Variants in MILR1 observed in about 807,000 individuals in gnomAD.
MILR1 encodes allergin-1.
A neutral mutation model predicts 18.5 loss-of-function variants in MILR1; 31 were observed. The observed-to-expected ratio is 1.68, with a 90% CI of 1.26 to 2.26. MILR1 has a LOEUF of 2.26. Among genes scored for constraint, MILR1 ranks in the 30% most tolerant of loss-of-function variants. The probability of loss-of-function intolerance (pLI) is 0.00; values close to 1 mark genes in which losing one functional copy is unlikely to be tolerated. For synonymous variants in MILR1, 85 were observed against 56.2 expected, an observed-to-expected ratio of 1.51 and a Z score of -2.30; for missense variants, 257 against 157.4, an observed-to-expected ratio of 1.63 and a Z score of -3.38.
chr17:64,471,790 A>C (rs1324711574), downstream of MILR1, among the ~76,000 whole-genome samples: 1 of 152,244 alleles, frequency 6.6e-6, no homozygotes, highest in East Asian at 1.9e-4. Flanking sequence ...TGTCTCTACA[A>C]ACATATTTGT....
At chr17:64,475,150 C>CA in the MILR1 span, among the ~76,000 whole-genome samples, 1 of 149,336 alleles carries the variant, frequency 6.7e-6, no homozygotes, top group East Asian at 2.0e-4. Flanking sequence ...CGCACCACTG[C>CA]ACTCCAGACT....
the MILR1 span, chr17:64,480,311 A>G: frequency 5.1e-6 from 8 of 1,571,290 alleles, no homozygotes; most frequent in Admixed American, 1.7e-5. Flanking sequence ...TGTTCCAATG[A>G]GGACTGCATA....
At chr17:64,483,956 C>G in the MILR1 span, 1 of 152,142 alleles carries the variant, frequency 6.6e-6, no homozygotes, top group Non-Finnish European at 1.5e-5. Flanking sequence ...CCTGAATGAT[C>G]CACCCACCTT....
chr17:64,478,001 T>C, the MILR1 span: 18 of 1,612,676 alleles, frequency 1.1e-5, no homozygotes, highest in African/African-American at 1.3e-5. Context: ...AAGAAAAAAG[T>C]AGTTAAACAG....
At chr17:64,470,186 C>G (rs897749403), downstream of MILR1, among the ~76,000 whole-genome samples, 1 of 152,114 alleles carries the variant, frequency 6.6e-6, no homozygotes, top group African/African-American at 2.4e-5. Flanking sequence ...CTCTGCCTCC[C>G]GGGTTCAAGC....
At chr17:64,490,890 T>G in the MILR1 span, 1 of 1,613,764 alleles carries the variant, frequency 6.2e-7, no homozygotes, top group South Asian at 1.1e-5. Context: ...CCAGGGAAAA[T>G]TGTAGTAAAG....
chr17:64,468,306 T>A lies in MILR1; in HGVS notation c.*29-4T>A. 1 of 455,628 alleles carries A rather than the reference T, an allele frequency of 2.2e-6. No homozygotes were observed. The highest frequency in any genetic ancestry group is 4.4e-6 in the Non-Finnish European group (1 of 226,788). The allele number at this position is 455,628 out of a possible 1,614,324, so 28.2% of individuals were successfully genotyped here. A position where few individuals can be genotyped will look rare whatever the true frequency, so the allele number is the denominator to read the frequency against. ...TCTCTTGTCTCTCTCTTTTTTTTTT[T>A]GAGATGGAGTCTCACTCTGTTGCCC... On this transcript the variant is annotated splice_polypyrimidine_tract_variant and splice_region_variant and intron_variant, in intron 9 of 9. Transcript: ENST00000619286.
At chr17:64,468,060 G>C in intron 9 of MILR1, 6 of 357,260 alleles carry the variant, frequency 1.7e-5, no homozygotes, top group South Asian at 6.4e-5. Context: ...AGCCCACAGA[G>C]TTGAGTTGTG....
chr17:64,495,295 T>G, the MILR1 span, among the ~76,000 whole-genome samples: 1 of 149,010 alleles, frequency 6.7e-6, no homozygotes, highest in African/African-American at 2.5e-5. Flanking sequence ...TTAAAAATCA[T>G]GAGGCTGGGC....
chr17:64,453,171 G>C (rs1335191903), intron 3 of MILR1, among the ~76,000 whole-genome samples: 3 of 151,300 alleles, frequency 2.0e-5, no homozygotes, highest in Non-Finnish European at 4.4e-5. Flanking sequence ...TGGGTTCAAG[G>C]CATTCTCCTG....
chr17:64,462,693 T>C (rs1231628010), intron 5 of MILR1, among the ~76,000 whole-genome samples: 2 of 150,088 alleles, frequency 1.3e-5, no homozygotes, highest in African/African-American at 4.9e-5. Flanking sequence ...CAGGCTGGAG[T>C]GCAGTGGTGC....
the MILR1 span, among the ~76,000 whole-genome samples, chr17:64,475,596 C>G: frequency 6.8e-6 from 1 of 148,068 alleles, no homozygotes; most frequent in South Asian, 2.2e-4. Flanking sequence ...TTGCAGTGAG[C>G]TGAGTTTGCG....
At chr17:64,485,856 G>A in the MILR1 span, 32 of 1,613,756 alleles carry the variant, frequency 2.0e-5, no homozygotes, top group Non-Finnish European at 2.5e-5. Context: ...ACATTTTTTC[G>A]TCCATCTCGG....
chr17:64,458,077 G>A (rs2037339353), intron 4 of MILR1, among the ~76,000 whole-genome samples: 1 of 152,054 alleles, frequency 6.6e-6, no homozygotes, highest in African/African-American at 2.4e-5. Context: ...AGTTTTCTTT[G>A]TTTTTTCATC....
the MILR1 span, chr17:64,480,250 T>C: frequency 1.2e-6 from 1 of 867,254 alleles, no homozygotes; most frequent in East Asian, 2.7e-5. Context: ...TCAAAAACTC[T>C]TGAATAAATA....
In MILR1 at chr17:64,460,000, ATTT is replaced by A. The variant is rs2037392588; in HGVS notation, c.653-821_653-819del. Among the ~76,000 whole-genome samples the A allele has an allele frequency of 5.8e-5, 4 of 68,444 alleles. No individual in the cohort carries two copies. In the East Asian group the frequency reaches 1.4e-3, roughly 24 times the overall value. 44.9% of individuals were successfully genotyped at this position (68,444 alleles called of 152,430 possible). ...ATTTTTATTTTATTTTATTTTATTT[ATTT>A]ATTTATTTATTTATTTATTTATTTA... On this transcript the variant is annotated intron_variant, in intron 4 of 9. Coordinates refer to ENST00000619286, the MANE Select transcript of MILR1 (RefSeq NM_001085423.2).
At position 64,449,431 on chromosome 17, in the gene MILR1, G is replaced by A. The variant is rs1047672741; in HGVS notation, c.97+76G>A. The A allele has an allele frequency of 2.6e-5, 11 of 418,478 alleles. No homozygotes were observed. The South Asian group carries it at 6.0e-4, about 23-fold the overall frequency. 25.9% of individuals were successfully genotyped at this position (418,478 alleles called of 1,614,324 possible). On this transcript the variant is annotated intron_variant, in intron 2 of 9. Coordinates refer to ENST00000619286, the MANE Select transcript of MILR1 (RefSeq NM_001085423.2). ...GAGACAGTCTGATTGCAACATAAGC[G>A]TCCATTCAAAAGTGTTTCTGAGCTT...
the MILR1 span, among the ~76,000 whole-genome samples, chr17:64,495,835 A>C: frequency 6.6e-6 from 1 of 151,864 alleles, no homozygotes; most frequent in Non-Finnish European, 1.5e-5. Context: ...CAGCCTCCCA[A>C]GTAGCTGGGA....
At chr17:64,479,215 GCT>G in the MILR1 span, among the ~76,000 whole-genome samples, 1 of 137,506 alleles carries the variant, frequency 7.3e-6, no homozygotes, top group East Asian at 2.1e-4. Flanking sequence ...AAGGAGTCTC[GCT>G]CTGTCACCCA....
Sources: gnomAD v4.1 joint callset for allele counts (sites outside exome capture counted in the v4.1 genomes callset) on GRCh38, gnomAD v4.1.1 for gene constraint, MANE v1.5 for transcripts, NCBI Gene and HGNC (gene_info 2026-07-23, HGNC 2026-07-21) for gene names.